UNC79: variants seen among roughly 807,000 people sequenced by gnomAD.
UNC79 encodes the protein protein unc-79 homolog.
Under a neutral mutation model 283.1 loss-of-function variants are expected in UNC79, and 37 were observed. The ratio of observed to expected loss-of-function variants is 0.13; its 90% CI spans 0.10 to 0.17. UNC79 has a LOEUF of 0.17. Ranked by LOEUF, UNC79 falls within the 10% of genes least tolerant of loss-of-function variation. The pLI, the probability that UNC79 is intolerant of heterozygous loss-of-function variation, is 1.00. For missense variants in UNC79, 2,272 were observed against 3,211.1 expected (o/e 0.71, Z 7.07); for synonymous variants, 1,107 against 1,200.2 (o/e 0.92, Z 1.61).
intron 40 of UNC79, among the ~76,000 whole-genome samples, chr14:93,664,606 A>G (rs1187047834): frequency 6.6e-6 from 1 of 152,192 alleles, no homozygotes; most frequent in Non-Finnish European, 1.5e-5. Context: ...GAAAGAATAC[A>G]TTCTTATATA....
rs371717878 is a variant in UNC79 at position 93,691,700 on chromosome 14, C to T, written c.7273-49C>T. On this transcript the variant is annotated intron_variant, in intron 45 of 48. Coordinates refer to ENST00000555664, the Ensembl canonical transcript of UNC79. The stretch of plus-strand genomic sequence containing the variant: ...CATGCGGGAGGACTCCGTGGAGGGC[C>T]ACAGCCTGCTGGGATGCAATGCACT... 2.7e-5 allele frequency: 44 copies of T among 1,605,226 alleles called. 1 individual carries two copies. In the South Asian group the frequency reaches 4.4e-4, roughly 16 times the overall value.
rs1233190697 is a variant in UNC79 at position 93,348,044 on chromosome 14, T to C, written c.-351+14521T>C. 6 of 1,610,534 alleles carry C rather than the reference T, an allele frequency of 3.7e-6. No homozygotes were observed. The highest frequency in any genetic ancestry group is 1.3e-5 in the African/African-American group (1 of 74,848). On this transcript the variant is annotated intron_variant, in intron 1 of 49. Transcript: ENST00000256339. The stretch of plus-strand genomic sequence containing the variant: ...CTCTTCCAGGAAATGGCTGTTGGAC[T>C]TGTGGTGTTTTTTACGACCTTCTTA...
chr14:93,619,407 T>C (rs1425277233), intron 29 of UNC79, among the ~76,000 whole-genome samples: 1 of 152,198 alleles, frequency 6.6e-6, no homozygotes, highest in African/African-American at 2.4e-5. Context: ...GAGTGTTCAA[T>C]GCATTTTGAA....
At chr14:93,645,653 A>G (rs894513000) in intron 34 of UNC79, among the ~76,000 whole-genome samples, 3 of 152,108 alleles carry the variant, frequency 2.0e-5, no homozygotes, top group African/African-American at 4.8e-5. Context: ...AAGCTTTTCC[A>G]TATGATCTCA....
At chr14:93,673,635 A>G (rs1008709454) in intron 41 of UNC79, among the ~76,000 whole-genome samples, 180 bp downstream of exon 44, 3 of 152,116 alleles carry the variant, frequency 2.0e-5, no homozygotes, top group Non-Finnish European at 4.4e-5. Flanking sequence ...ACTGGCTAAA[A>G]AAGTCCAAGA....
chr14:93,579,641 G>A (rs972811279), intron 18 of UNC79, among the ~76,000 whole-genome samples: 2 of 152,162 alleles, frequency 1.3e-5, no homozygotes, highest in Non-Finnish European at 2.9e-5. Context: ...TGGCTCCTGT[G>A]TTCTTTTGGC....
chr14:93,667,586 T>C (rs1226781918), intron 40 of UNC79, among the ~76,000 whole-genome samples: 2 of 152,158 alleles, frequency 1.3e-5, no homozygotes, highest in Non-Finnish European at 2.9e-5. Context: ...TATTCCAGCT[T>C]TAGAGGACAA....
chr14:93,699,815 C>G (rs1343139406), intron 47 of UNC79, among the ~76,000 whole-genome samples: 2 of 152,036 alleles, frequency 1.3e-5, no homozygotes, highest in Non-Finnish European at 2.9e-5. Flanking sequence ...AGATTTTAAA[C>G]AAGTTTTATG....
At chr14:93,566,742 A>T (rs1212029238) in intron 14 of UNC79, among the ~76,000 whole-genome samples, 1 of 149,480 alleles carries the variant, frequency 6.7e-6, no homozygotes, top group Admixed American at 6.7e-5. Context: ...GGTTCAAGCG[A>T]TTCTCCTGCC....
At chr14:93,361,211 C>CAAAAAAAAAAAAAA (rs58267219) in intron 1 of UNC79, among the ~76,000 whole-genome samples, 15 of 54,362 alleles carry the variant, frequency 2.8e-4, no homozygotes, top group South Asian at 9.2e-4. Flanking sequence ...GACTCTGTCT[C>CAAAAAAAAAAAAAA]AAAAAAAAAA....
intron 7 of UNC79, among the ~76,000 whole-genome samples, chr14:93,511,589 A>G (rs2059827662): frequency 6.6e-6 from 1 of 152,112 alleles, no homozygotes. Context: ...CTGGTATTAC[A>G]GGCATGTGCC....
In UNC79 at chr14:93,361,211, C is replaced by CA. The variant is rs58267219; in HGVS notation, c.-351+27713dup. 8.5e-3 allele frequency among the ~76,000 whole-genome samples: 464 copies of CA among 54,332 alleles called. 11 individuals carry two copies. Among genetic ancestry groups the CA allele is most frequent in the Middle Eastern group, 0.018 (1 of 56 alleles). The allele number at this position is 54,332 out of a possible 152,430, so 35.6% of individuals were successfully genotyped here. A position where few individuals can be genotyped will look rare whatever the true frequency, so the allele number is the denominator to read the frequency against. ...TGGGTGACAGAGCAAGACTCTGTCT[C>CA]AAAAAAAAAAAAAAAAAAAAAAAAA... On this transcript the variant is annotated intron_variant, in intron 1 of 49. Transcript: ENST00000256339.
rs968571872 is a variant in UNC79, at chr14:93,621,192, T to TTA, written c.4388-420_4388-419dup. ...ACAAACAGTATATATATATACACAT[T>TTA]TATATATATACGTGAATCGACAGAT... On this transcript the variant is annotated intron_variant, in intron 29 of 48. Transcript: ENST00000555664. The surrounding 1 kb of genome is among the most constrained non-coding windows in gnomAD (Gnocchi z 4.8). Among the ~76,000 whole-genome samples the TTA allele has an allele frequency of 6.6e-5, 10 of 152,230 alleles. No individual in the cohort carries two copies. The East Asian group carries it at 9.7e-4, about 15-fold the overall frequency.
At chr14:93,686,498 G>A in intron 42 of UNC79, 74 bp from the exon 46 acceptor site, 1 of 1,514,570 alleles carries the variant, frequency 6.6e-7, no homozygotes. Context: ...TAAACAACGT[G>A]AAACCAGAGT....
chr14:93,650,809 AAACAT>A, intron 35 of UNC79, among the ~76,000 whole-genome samples: 1 of 152,358 alleles, frequency 6.6e-6, no homozygotes, highest in South Asian at 2.1e-4. Context: ...CATTAAAACA[AAACAT>A]TACAATTATT....
At chr14:93,680,779 A>C (rs1359602050) in intron 41 of UNC79, among the ~76,000 whole-genome samples, 1 of 151,826 alleles carries the variant, frequency 6.6e-6, no homozygotes, top group African/African-American at 2.4e-5. Context: ...CAGCCTCCCA[A>C]AGTGCTGAGA....
chr14:93,461,885 G>A (rs965303760), intron 1 of UNC79, among the ~76,000 whole-genome samples: 58 of 151,366 alleles, frequency 3.8e-4, no homozygotes, highest in African/African-American at 1.3e-3. Context: ...TTTGAAGTAT[G>A]AGTAGGAGTT....
intron 1 of UNC79, among the ~76,000 whole-genome samples, chr14:93,463,702 A>G (rs768831185): frequency 6.6e-6 from 1 of 152,164 alleles, no homozygotes; most frequent in Non-Finnish European, 1.5e-5. Context: ...TCGCACCATA[A>G]TCACAATAGC....
chr14:93,348,684 TCTC>T (rs1473296778), intron 1 of UNC79, among the ~76,000 whole-genome samples: 2 of 152,352 alleles, frequency 1.3e-5, no homozygotes, highest in East Asian at 1.9e-4. Flanking sequence ...TTTATTATCT[TCTC>T]TTAGTCTTCT....
Sources: allele counts gnomAD v4.1 joint callset (sites outside exome capture counted in the v4.1 genomes callset), GRCh38; gene constraint gnomAD v4.1.1; non-coding constraint Gnocchi (gnomAD v3.1); transcripts MANE v1.5; gene names NCBI Gene and HGNC (gene_info 2026-07-23, HGNC 2026-07-21).